The following CLUH variants were observed in gnomAD, a reference collection of about 807,000 sequenced individuals.
The protein encoded by CLUH is clustered mitochondria protein homolog.
A neutral mutation model predicts 139.3 loss-of-function variants in CLUH; 77 were observed. The observed-to-expected ratio is 0.55, with a 90% CI of 0.46 to 0.67. The LOEUF (loss-of-function observed/expected upper bound fraction) is 0.67, where lower values mean the gene tolerates loss of function less well. Ranked by LOEUF, CLUH falls within the 30% of genes least tolerant of loss-of-function variation. CLUH has a pLI of 0.00. For missense variants in CLUH, 1,876 were observed against 1,875.8 expected, an observed-to-expected ratio of 1.00 and a Z score of 0.00; for synonymous variants, 999 against 801.6, an observed-to-expected ratio of 1.25 and a Z score of -4.16.
At chr17:2,695,826 AC>A in intron 13 of CLUH, 1 of 578,136 alleles carries the variant, frequency 1.7e-6, no homozygotes, top group African/African-American at 1.9e-5. Context: ...TTGGGGGAGC[AC>A]CCAGCATCCT....
rs886578628 is a variant in CLUH at position 2,691,548 on chromosome 17, G to T, written c.3863+61C>A. The T allele has an allele frequency of 1.0e-5, 16 of 1,528,122 alleles. No homozygotes were observed. The African/African-American group carries it at 1.9e-4, about 18-fold the overall frequency. 94.7% of individuals were successfully genotyped at this position (1,528,122 alleles called of 1,614,324 possible). ...CGCACTCCAGCCCGGGTGACAGGGCGAGACTCCGACTCACAAAAAACCCCC... is the reference window on the plus strand; with the variant it reads ...CGCACTCCAGCCCGGGTGACAGGGCTAGACTCCGACTCACAAAAAACCCCC... On this transcript the variant is annotated intron_variant, in intron 25 of 25. Coordinates refer to ENST00000651024, the MANE Select transcript of CLUH (RefSeq NM_001366661.1).
chr17:2,694,816 G>T, intron 16 of CLUH, 41 bp downstream of exon 16: 1 of 1,466,100 alleles, frequency 6.8e-7, no homozygotes, highest in Non-Finnish European at 9.0e-7. Context: ...CGCCTCATCT[G>T]CCCAATCCCA....
rs368827994 is a variant in CLUH, at chr17:2,700,813, G to A, written c.1038C>T (p.His346=). 25 of 1,525,688 alleles carry A rather than the reference G, an allele frequency of 1.6e-5. No individual in the cohort carries two copies. The African/African-American group carries it at 2.4e-4, about 14-fold the overall frequency. The allele number at this position is 1,525,688 out of a possible 1,614,324, so 94.5% of individuals were successfully genotyped here. The change falls in exon 8 of 26, where the codon CAC becomes CAT. Residue 346 remains histidine (H), a synonymous_variant. Transcript: ENST00000651024. The stretch of plus-strand genomic sequence containing the variant: ...ATGGGGTGGCGATCCTCTCGAACGG[G>A]TGGCGCTGGACCCTGTGGCAGGCAG... ...AVLQKKRVQR[H]PFERIATPFQ... is the part of the protein sequence containing the mutation.
rs2069970165 is a variant in CLUH at position 2,696,927 on chromosome 17, C to G, written c.1977G>C (p.Met659Ile). 1 of 1,593,540 alleles carries G rather than the reference C, an allele frequency of 6.3e-7. No individual in the cohort carries two copies. Among genetic ancestry groups the G allele is most frequent in the Non-Finnish European group, 8.5e-7 (1 of 1,170,462 alleles). ...GCATCAGCTGCAAGGCGGCCAGCTT[C>G]ATAAAGAGGAGGTACCTGGAGCAGA... The part of the protein sequence containing the change: ...AFVEHRYLLF[M>I]KLAALQLMQQ... The change falls in exon 11 of 26, where the codon ATG becomes ATC. Residue 659 changes from methionine (M) to isoleucine (I), a missense_variant. Coordinates refer to ENST00000651024, the MANE Select transcript of CLUH (RefSeq NM_001366661.1).
intron 19 of CLUH, among the ~76,000 whole-genome samples, chr17:2,693,355 C>T (rs562940948): frequency 4.7e-4 from 72 of 152,212 alleles, no homozygotes; most frequent in Non-Finnish European, 9.1e-4. Context: ...GATATCACGC[C>T]ACTACACTCC....
intron 23 of CLUH, 31 bp downstream of exon 23, chr17:2,691,972 GC>G (rs752956639): frequency 0.32 from 250,863 of 780,220 alleles, 35,076 homozygotes; most frequent in Admixed American, 0.38. Context: ...CCCCCGCCCC[GC>G]CCCCGCCCCC....
chr17:2,706,076 C>A lies in CLUH; in HGVS notation c.101-1512G>T, dbSNP rs984469998. ...GGGTTCCCTTCCAGAAAGAAGAGCTCGCCCAGCTCTGCCCATCCCATCTAG... is the reference window on the plus strand; with the variant it reads ...GGGTTCCCTTCCAGAAAGAAGAGCTAGCCCAGCTCTGCCCATCCCATCTAG... On this transcript the variant is annotated intron_variant, in intron 1 of 25. Transcript: ENST00000651024. The surrounding 1 kb of genome is among the most constrained non-coding windows in gnomAD (Gnocchi z 4.6). 1.9e-4 allele frequency among the ~76,000 whole-genome samples: 29 copies of A among 152,240 alleles called. No homozygotes were observed. Among genetic ancestry groups the A allele is most frequent in the African/African-American group, 6.5e-4 (27 of 41,546 alleles).
In CLUH at chr17:2,695,105, C is replaced by G; in HGVS notation, c.2608-4G>C. 6.2e-7 allele frequency: 1 copy of G among 1,611,914 alleles called. No homozygotes were observed. Among genetic ancestry groups the G allele is most frequent in the Non-Finnish European group, 8.5e-7 (1 of 1,178,842 alleles). On this transcript the variant is annotated splice_polypyrimidine_tract_variant and splice_region_variant and intron_variant, in intron 15 of 25. Transcript: ENST00000651024. Reference sequence around the variant, plus strand: ...AGAGGCCGGAGAGCTCGACTCCCTGCGAGGCAGGTTGGATCCGAGTCATGA... The same window carrying G: ...AGAGGCCGGAGAGCTCGACTCCCTGGGAGGCAGGTTGGATCCGAGTCATGA...
At chr17:2,692,723 G>A (rs1443130508) in intron 20 of CLUH, 27 bp from the exon 21 acceptor site, 1 of 1,605,040 alleles carries the variant, frequency 6.2e-7, no homozygotes, top group Non-Finnish European at 8.5e-7. Context: ...GACAGGTCAG[G>A]GTGGCCGCGG....
chr17:2,690,905 C>T (rs2069599723), intron 25 of CLUH, 128 bp from the exon 26 acceptor site: 8 of 684,222 alleles, frequency 1.2e-5, no homozygotes, highest in Non-Finnish European at 1.5e-5. Context: ...TGTGAACAAG[C>T]GCTTCCCTCC....
chr17:2,692,338 C>A (rs1157501747), intron 22 of CLUH, 23 bp downstream of exon 22: 2 of 1,533,722 alleles, frequency 1.3e-6, no homozygotes, highest in African/African-American at 1.4e-5. Flanking sequence ...CCGGCCTTGG[C>A]GTTTGGACGG....
intron 13 of CLUH, 131 bp from the exon 14 acceptor site, chr17:2,695,657 T>C (rs2069912010): frequency 8.2e-7 from 1 of 1,214,486 alleles, no homozygotes; most frequent in Admixed American, 2.8e-5. Flanking sequence ...CCAGTCAGGA[T>C]GTCAGAATGT....
chr17:2,690,924 G>A (rs2240730), intron 25 of CLUH, 147 bp from the exon 26 acceptor site: 317,196 of 559,212 alleles, frequency 0.57, 95,310 homozygotes, highest in Non-Finnish European at 0.62. Context: ...CCTGAAGGCG[G>A]AAGGTCCCTG....
chr17:2,705,793 C>T (rs1487218200), intron 1 of CLUH, among the ~76,000 whole-genome samples: 1 of 152,202 alleles, frequency 6.6e-6, no homozygotes, highest in Non-Finnish European at 1.5e-5. Context: ...TTGAAGACAG[C>T]ACCCAATCCA....
intron 8 of CLUH, 87 bp downstream of exon 8, chr17:2,700,591 A>T: frequency 1.3e-6 from 2 of 1,533,376 alleles, no homozygotes; most frequent in Non-Finnish European, 1.8e-6. Flanking sequence ...GAAGTCAAGC[A>T]TGGGGCCTCC....
intron 10 of CLUH, among the ~76,000 whole-genome samples, chr17:2,697,394 C>T (rs1236838484): frequency 3.4e-5 from 5 of 148,650 alleles, no homozygotes; most frequent in Non-Finnish European, 7.4e-5. Context: ...AGTGAAACTC[C>T]GTCTCAGAAA....
rs200768533 is a variant in CLUH, at chr17:2,694,991, C to T, written c.2718G>A (p.Lys906=). The change falls in exon 16 of 26, where the codon AAG becomes AAA. Residue 906 remains lysine, a synonymous_variant. Coordinates refer to ENST00000651024, the MANE Select transcript of CLUH (RefSeq NM_001366661.1). ...AHLPADELVS[K]KRNKRRKNRP... ...GGTTTTTCCTCCTCTTATTCCGCTT[C>T]TTGGAGACCAGCTCGTCGGCGGGCA... 1.7e-5 allele frequency: 28 copies of T among 1,613,700 alleles called. No individual in the cohort carries two copies. The East Asian group carries it at 5.3e-4, about 31-fold the overall frequency.
Position 2,704,608 on chromosome 17 carries a change from T to G in CLUH, c.101-44A>C, listed in dbSNP as rs1283795459. Reference sequence around the variant, plus strand: ...GGTCAGAATCAGGCAGCCTCGCTGGTCGGCGGGGCTGTCCGCCTGACCCCA... The same window carrying G: ...GGTCAGAATCAGGCAGCCTCGCTGGGCGGCGGGGCTGTCCGCCTGACCCCA... On this transcript the variant is annotated intron_variant, in intron 1 of 25. Coordinates refer to ENST00000651024, the MANE Select transcript of CLUH (RefSeq NM_001366661.1). The surrounding 1 kb of genome is among the most constrained non-coding windows in gnomAD (Gnocchi z 5.7). The G allele has an allele frequency of 3.3e-6, 5 of 1,495,788 alleles. No homozygotes were observed. In the African/African-American group the frequency reaches 6.9e-5, roughly 21 times the overall value. 92.7% of individuals were successfully genotyped at this position (1,495,788 alleles called of 1,614,324 possible).
In CLUH at chr17:2,692,395, A is replaced by G; in HGVS notation, c.3526T>C (p.Tyr1176His). ...ACCTTGAGGGCCTTGGGCCCGTGGT[A>G]CTTGGTGCTGACGGCCAGCGCGTTC... is the stretch of plus-strand genomic sequence containing the variant. ...LENALAVSTK[Y>H]HGPKALKVAL... The change falls in exon 22 of 26, where the codon TAC becomes CAC. Residue 1176 changes from tyrosine (Y) to histidine (H), a missense_variant. Physicochemically the swap from Tyr to His is moderately conservative, Grantham distance 83. Transcript: ENST00000651024. 2 of 1,595,352 alleles carry G rather than the reference A, an allele frequency of 1.3e-6. No homozygotes were observed. The highest frequency in any genetic ancestry group is 4.5e-5 in the East Asian group (2 of 44,712).
Sources: allele counts gnomAD v4.1 joint callset (sites outside exome capture counted in the v4.1 genomes callset), GRCh38; gene constraint gnomAD v4.1.1; non-coding constraint Gnocchi (gnomAD v3.1); transcripts MANE v1.5; gene names NCBI Gene and HGNC (gene_info 2026-07-23, HGNC 2026-07-21).